Variants in FHOD3 observed in about 807,000 individuals in gnomAD.
FHOD3 encodes the protein FH1/FH2 domain-containing protein 3.
A neutral mutation model predicts 173.0 loss-of-function variants in FHOD3; 90 were observed. That is an observed-to-expected ratio of 0.52 (90% confidence interval 0.44 to 0.62). FHOD3 has a LOEUF of 0.62. Among genes scored for constraint, FHOD3 ranks in the 20% least tolerant of loss-of-function variants. FHOD3 has a pLI of 0.00. For missense variants in FHOD3, 1,945 were observed against 2,034.7 expected (o/e 0.96, Z 0.85); for synonymous variants, 828 against 823.0 (o/e 1.01, Z -0.10).
At chr18:36,502,108 A>G in intron 4 of FHOD3, 109 bp downstream of exon 4, 1 of 604,526 alleles carries the variant, frequency 1.7e-6, no homozygotes, top group Non-Finnish European at 2.8e-6. Context: ...AATTTAGATT[A>G]CAATATTTAT....
chr18:36,560,190 C>T (rs540903459), intron 5 of FHOD3, among the ~76,000 whole-genome samples: 7 of 152,274 alleles, frequency 4.6e-5, no homozygotes, highest in African/African-American at 1.2e-4. Context: ...GAAAGCTGTT[C>T]ACTGCTGCTC....
At chr18:36,657,837 A>G (rs2036522556) in intron 13 of FHOD3, among the ~76,000 whole-genome samples, 1 of 152,108 alleles carries the variant, frequency 6.6e-6, no homozygotes, top group Non-Finnish European at 1.5e-5. Flanking sequence ...TTTTATTTAA[A>G]CCCTTTGTCA....
intron 1 of FHOD3, among the ~76,000 whole-genome samples, chr18:36,353,937 C>G (rs1224098935): frequency 1.4e-5 from 2 of 143,742 alleles, no homozygotes; most frequent in Non-Finnish European, 3.1e-5. Context: ...AAGGTCTCCT[C>G]TGGCTCCTCT....
At chr18:36,406,097 T>TTTTTTTG (rs2049049883) in intron 3 of FHOD3, among the ~76,000 whole-genome samples, 2 of 151,040 alleles carry the variant, frequency 1.3e-5, no homozygotes, top group African/African-American at 4.9e-5. Flanking sequence ...TTGTTTTTGT[T>TTTTTTTG]TTTTTGTTTT....
At position 36,681,137 on chromosome 18, in the gene FHOD3, A is replaced by G. The variant is rs117723688; in HGVS notation, c.1836-299A>G. Among the ~76,000 whole-genome samples, 1,948 of 152,308 alleles carry G rather than the reference A, an allele frequency of 0.013. 54 individuals carry two copies. Among genetic ancestry groups the G allele is most frequent in the Admixed American group, 0.065 (1,001 of 15,296 alleles). ...TAAAATATATATAGAATGTATATAC[A>G]TTCCTGGAATACTTCTATAACTCCC... On this transcript the variant is annotated intron_variant, in intron 14 of 28. Transcript: ENST00000590592.
chr18:36,482,919 C>T (rs934920050), intron 3 of FHOD3, among the ~76,000 whole-genome samples: 5 of 148,986 alleles, frequency 3.4e-5, no homozygotes, highest in African/African-American at 1.3e-4. Context: ...AGACTACCTG[C>T]CAGGTTTACA....
intron 3 of FHOD3, among the ~76,000 whole-genome samples, chr18:36,397,436 T>C (rs2048604926): frequency 6.6e-6 from 1 of 152,332 alleles, no homozygotes; most frequent in East Asian, 1.9e-4. Flanking sequence ...TTGCTTATGG[T>C]GCTTTTGTTT....
chr18:36,405,232 C>T (rs1284884573), intron 3 of FHOD3, among the ~76,000 whole-genome samples: 1 of 152,198 alleles, frequency 6.6e-6, no homozygotes, highest in Admixed American at 6.5e-5. Context: ...TTGATTTCTC[C>T]AGCCCTGAAT....
Position 36,718,348 on chromosome 18 carries a change from A to G in FHOD3, c.3050A>G (p.Glu1017Gly), listed in dbSNP as rs2040573576. The change falls in exon 19 of 29, where the codon GAG becomes GGG. Residue 1017 changes from glutamate to glycine, a missense_variant. Transcript: ENST00000590592. ...CTAGATGTGGACCTGGGTCACAGGG[A>G]GGCCCCTGGGCCACCTCCCCCACCC... ...DVLDVDLGHR[E>G]APGPPPPPPP... The G allele has an allele frequency of 6.2e-7, 1 of 1,612,454 alleles. No individual in the cohort carries two copies. Among genetic ancestry groups the G allele is most frequent in the Non-Finnish European group, 8.5e-7 (1 of 1,179,414 alleles).
chr18:36,628,427 T>G (rs763034852), intron 10 of FHOD3, among the ~76,000 whole-genome samples: 22 of 152,228 alleles, frequency 1.4e-4, no homozygotes, highest in Non-Finnish European at 2.1e-4. Flanking sequence ...TAGGTATTTT[T>G]TTGTTTGAGG....
chr18:36,669,304 C>G (rs565385304), intron 14 of FHOD3, among the ~76,000 whole-genome samples: 3 of 151,362 alleles, frequency 2.0e-5, no homozygotes, highest in South Asian at 2.1e-4. Flanking sequence ...TATGGTATAT[C>G]TTTTTTATTA....
At chr18:36,422,118 T>C (rs191532992) in intron 3 of FHOD3, among the ~76,000 whole-genome samples, 1 of 152,328 alleles carries the variant, frequency 6.6e-6, no homozygotes, top group Admixed American at 6.5e-5. Flanking sequence ...ACCTTCGACT[T>C]TGCTCTCTGC....
intron 4 of FHOD3, among the ~76,000 whole-genome samples, chr18:36,506,252 A>G (rs2055292096): frequency 6.6e-6 from 1 of 152,268 alleles, no homozygotes; most frequent in Non-Finnish European, 1.5e-5. Context: ...TCAATGAGGA[A>G]TAAGTGTTAA....
At chr18:36,655,413 G>A (rs558677479) in intron 13 of FHOD3, among the ~76,000 whole-genome samples, 38 of 152,042 alleles carry the variant, frequency 2.5e-4, no homozygotes, top group Non-Finnish European at 4.3e-4. Flanking sequence ...AAGCTTCACC[G>A]CTATTTATAG....
intron 5 of FHOD3, among the ~76,000 whole-genome samples, chr18:36,545,150 CTTTGA>C (rs1460222192): frequency 6.6e-6 from 1 of 152,136 alleles, no homozygotes; most frequent in Non-Finnish European, 1.5e-5. Context: ...GTCTCCTCAC[CTTTGA>C]TTTAAGTCAA....
At position 36,344,410 on chromosome 18, in the gene FHOD3, CA is replaced by C. The variant is rs368530719; in HGVS notation, c.166-11119del. 1.6e-3 allele frequency among the ~76,000 whole-genome samples: 237 copies of C among 145,828 alleles called. 4 individuals are homozygous for C. In the South Asian group the frequency reaches 0.044, roughly 27 times the overall value. ...CTTCCAACATAATGAAACCTTGTCT[CA>C]AAAAAAAAAGGTATAAATCATATTA... On this transcript the variant is annotated intron_variant, in intron 1 of 28. Coordinates refer to ENST00000590592, the MANE Select transcript of FHOD3 (RefSeq NM_001281740.3).
intron 6 of FHOD3, among the ~76,000 whole-genome samples, chr18:36,587,746 G>T (rs529493561): frequency 6.6e-6 from 1 of 152,208 alleles, no homozygotes; most frequent in South Asian, 2.1e-4. Context: ...AGCTGAGATC[G>T]CGCCATTGCA....
intron 5 of FHOD3, among the ~76,000 whole-genome samples, chr18:36,524,549 G>C (rs577968028): frequency 2.0e-5 from 3 of 152,102 alleles, no homozygotes; most frequent in African/African-American, 7.2e-5. Flanking sequence ...ACTGGTACCC[G>C]TGAGGAGAGT....
intron 3 of FHOD3, among the ~76,000 whole-genome samples, chr18:36,485,001 A>G (rs931805093): frequency 6.6e-6 from 1 of 152,080 alleles, no homozygotes; most frequent in Non-Finnish European, 1.5e-5. Flanking sequence ...AGCCAACTTC[A>G]TTCCCGGTGA....
Sources: gnomAD v4.1 joint callset for allele counts (sites outside exome capture counted in the v4.1 genomes callset) on GRCh38, gnomAD v4.1.1 for gene constraint, MANE v1.5 for transcripts, NCBI Gene and HGNC (gene_info 2026-07-23, HGNC 2026-07-21) for gene names.